SLC2A3: variants seen among roughly 807,000 people sequenced by gnomAD.
The protein encoded by SLC2A3 is solute carrier family 2 member 3.
Under a neutral mutation model 46.4 loss-of-function variants are expected in SLC2A3, and 21 were observed. That is an observed-to-expected ratio of 0.45 (90% CI 0.32 to 0.65). SLC2A3 has a LOEUF of 0.65. Ranked by LOEUF, SLC2A3 falls within the 30% of genes least tolerant of loss-of-function variation. The pLI, the probability that SLC2A3 is intolerant of heterozygous loss-of-function variation, is 0.04. For synonymous variants in SLC2A3, 213 were observed against 239.4 expected (o/e 0.89, Z 1.02); for missense variants, 499 against 623.3 (o/e 0.80, Z 2.12).
intron 9 of SLC2A3, 46 bp from the exon 10 acceptor site, chr12:7,921,677 C>G (rs144170811): frequency 1.3e-6 from 2 of 1,572,124 alleles, no homozygotes; most frequent in Non-Finnish European, 8.6e-7. Flanking sequence ...AAAATCTGGT[C>G]ATTGACAAAG....
Position 7,933,131 on chromosome 12 carries a change from A to G in SLC2A3, c.125T>C (p.Ile42Thr). 1 of 1,614,102 alleles carries G rather than the reference A, an allele frequency of 6.2e-7. No homozygotes were observed. Among genetic ancestry groups the G allele is most frequent in the Non-Finnish European group, 8.5e-7 (1 of 1,179,986 alleles). ...NAPEKIIKEFINKTLTDKGNA... is the reference protein window; with the variant it reads ...NAPEKIIKEFTNKTLTDKGNA... ...TCCCTTGTCCGTCAAAGTTTTATTG[A>G]TAAATTCCTTTATGATCTGCAAAAT... Residue 42 changes from isoleucine to threonine, a missense_variant, in exon 3 of 10, where the codon ATC becomes ACC. This residue lies in a region of SLC2A3 where 248 missense variants were observed against 284.0 expected (regional missense o/e 0.87). Coordinates refer to ENST00000075120, the MANE Select transcript of SLC2A3 (RefSeq NM_006931.3).
chr12:7,933,356 T>A, intron 2 of SLC2A3: 2 of 669,102 alleles, frequency 3.0e-6, no homozygotes, highest in Non-Finnish European at 4.9e-6. Flanking sequence ...GCAGCACCGA[T>A]GTTCACAGTC....
intron 7 of SLC2A3, among the ~76,000 whole-genome samples, chr12:7,925,063 A>C (rs1428277668): frequency 6.6e-6 from 1 of 152,300 alleles, no homozygotes; most frequent in Admixed American, 6.5e-5. Flanking sequence ...GGAAGCTGAC[A>C]GGAAGGTCAG....
At chr12:7,932,139 C>T (rs1417085980) in intron 3 of SLC2A3, among the ~76,000 whole-genome samples, 2 of 151,532 alleles carry the variant, frequency 1.3e-5, no homozygotes, top group Non-Finnish European at 2.9e-5. Flanking sequence ...CTCAGCCTCC[C>T]AAAGTGCTGG....
intron 3 of SLC2A3, among the ~76,000 whole-genome samples, chr12:7,932,430 G>A (rs1451206206): frequency 1.3e-5 from 2 of 151,908 alleles, no homozygotes; most frequent in South Asian, 2.1e-4. Flanking sequence ...CACTTGCCTC[G>A]GTTTCCCAAA....
intron 2 of SLC2A3, chr12:7,933,515 T>G (rs999866513): frequency 6.4e-6 from 3 of 466,916 alleles, no homozygotes; most frequent in Middle Eastern, 1.2e-3. Context: ...GTGCTTCGAT[T>G]AGATGACCCC....
At chr12:7,927,598 A>C (rs1365904330) in intron 6 of SLC2A3, among the ~76,000 whole-genome samples, 2 of 152,124 alleles carry the variant, frequency 1.3e-5, no homozygotes, top group East Asian at 3.8e-4. Flanking sequence ...AGTGATTTCC[A>C]AGCCTGCTGT....
chr12:7,924,983 A>C (rs1946079475), intron 7 of SLC2A3, among the ~76,000 whole-genome samples: 2 of 152,304 alleles, frequency 1.3e-5, no homozygotes, highest in African/African-American at 4.8e-5. Context: ...TCAATCATGG[A>C]GAACCAATTA....
chr12:7,926,777 G>A (rs1031039514), intron 6 of SLC2A3, among the ~76,000 whole-genome samples: 29 of 152,118 alleles, frequency 1.9e-4, no homozygotes, highest in African/African-American at 7.0e-4. Context: ...CATTGAATAA[G>A]CAGAGGTTGG....
intron 9 of SLC2A3, among the ~76,000 whole-genome samples, chr12:7,922,045 G>A (rs1177841105): frequency 1.3e-5 from 2 of 151,138 alleles, no homozygotes; most frequent in African/African-American, 4.9e-5. Context: ...TTTTTGAGAC[G>A]GAATCTCGCT....
At position 7,922,852 on chromosome 12, in the gene SLC2A3, A is replaced by C; in HGVS notation, c.1241T>G (p.Phe414Cys). Residue 414 changes from phenylalanine (F) to cysteine (C), a missense_variant, in exon 9 of 10, where the codon TTC becomes TGC. Phe to Cys is a radical substitution (Grantham distance 205). Around this residue, in one of 5 missense-constraint regions of SLC2A3, gnomAD observed 179 missense variants for 205.1 expected, o/e 0.87. Transcript: ENST00000075120. ...VAGCSNWTSN[F>C]LVGLLFPSAA... ...GGAGGGGAAGAGCAATCCGACTAGGAAGTTGGAGGTCCAGTTGGAGCAGCC... is the reference window on the plus strand; with the variant it reads ...GGAGGGGAAGAGCAATCCGACTAGGCAGTTGGAGGTCCAGTTGGAGCAGCC... The C allele has an allele frequency of 6.2e-7, 1 of 1,614,010 alleles. No homozygotes were observed. The highest frequency in any genetic ancestry group is 8.5e-7 in the Non-Finnish European group (1 of 1,179,926).
At chr12:7,928,352 C>T (rs139599751) in intron 6 of SLC2A3, among the ~76,000 whole-genome samples, 3,663 of 151,410 alleles carry the variant, frequency 0.024, 143 homozygotes, top group African/African-American at 0.082. Flanking sequence ...GAGCCGAGAT[C>T]GTGCCACTGT....
chr12:7,923,075 GT>G, intron 8 of SLC2A3, 51 bp from the exon 9 acceptor site: 1 of 1,526,140 alleles, frequency 6.6e-7, no homozygotes, highest in Non-Finnish European at 8.8e-7. Context: ...GTGTAACCTA[GT>G]ATCTAGGTTC....
intron 2 of SLC2A3, chr12:7,933,409 A>G: frequency 1.8e-6 from 1 of 548,304 alleles, no homozygotes; most frequent in Non-Finnish European, 3.2e-6. Flanking sequence ...CTTTGTAACT[A>G]ACCCCTAAGG....
intron 3 of SLC2A3, among the ~76,000 whole-genome samples, chr12:7,931,967 C>A (rs1354106434): frequency 6.7e-6 from 1 of 149,806 alleles, no homozygotes; most frequent in African/African-American, 2.5e-5. Context: ...CTGCAACCTG[C>A]GCCTCCCAGG....
chr12:7,925,220 G>A (rs1310575614), intron 7 of SLC2A3: 1 of 152,502 alleles, frequency 6.6e-6, no homozygotes, highest in Non-Finnish European at 1.5e-5. Context: ...AATCAAACTA[G>A]GAAACAATTT....
At chr12:7,932,913 C>CG in intron 3 of SLC2A3, 74 bp downstream of exon 3, 1 of 1,574,994 alleles carries the variant, frequency 6.3e-7, no homozygotes, top group South Asian at 1.1e-5. Context: ...CATCACCTCC[C>CG]TGCCCTAACT....
In SLC2A3 at chr12:7,932,988, T is replaced by TGC; in HGVS notation, c.266_267dup (p.Arg90AlafsTer7). 2 of 1,614,022 alleles carry TGC rather than the reference T, an allele frequency of 1.2e-6. No individual in the cohort carries two copies. Among genetic ancestry groups the TGC allele is most frequent in the Non-Finnish European group, 1.7e-6 (2 of 1,179,980 alleles). ...CCTTGCCCAGTTTCTAGTCAATACC[T>TGC]GCCAAAGCGGTTGACGAAGAGTCCG... On this transcript the variant is annotated frameshift_variant and splice_region_variant, in exon 3 of 10. Coordinates refer to ENST00000075120, the MANE Select transcript of SLC2A3 (RefSeq NM_006931.3). LOFTEE classifies it high-confidence loss of function.
intron 4 of SLC2A3, among the ~76,000 whole-genome samples, chr12:7,931,044 C>T (rs1592357627): frequency 6.6e-6 from 1 of 152,092 alleles, no homozygotes; most frequent in African/African-American, 2.4e-5. Context: ...GATCTGCCCA[C>T]CTCGGCCTCC....
Sources: gnomAD v4.1 joint callset for allele counts (sites outside exome capture counted in the v4.1 genomes callset) on GRCh38, gnomAD v4.1.1 for gene constraint, gnomAD v4.1.1 regional missense constraint, MANE v1.5 for transcripts, NCBI Gene and HGNC (gene_info 2026-07-23, HGNC 2026-07-21) for gene names.